The following SLC4A4 variants were observed in gnomAD, a reference collection of about 807,000 sequenced individuals.
The protein encoded by SLC4A4 is solute carrier family 4 member 4, also known as electrogenic sodium bicarbonate cotransporter 1.
In SLC4A4, 27 loss-of-function variants were observed where a neutral mutation model predicts 111.5. The observed-to-expected ratio is 0.24, with a 90% CI of 0.18 to 0.33. SLC4A4 has a LOEUF of 0.33. Among genes scored for constraint, SLC4A4 ranks in the 10% least tolerant of loss-of-function variants. The pLI, the probability that SLC4A4 is intolerant of heterozygous loss-of-function variation, is 1.00. For missense variants in SLC4A4, 909 were observed against 1,315.5 expected (o/e 0.69, Z 4.78); for synonymous variants, 443 against 463.4 (o/e 0.96, Z 0.57).
chr4:71,232,401 C>T (rs768002773), intron 1 of SLC4A4, among the ~76,000 whole-genome samples: 3 of 152,174 alleles, frequency 2.0e-5, no homozygotes, highest in Admixed American at 6.5e-5. Context: ...TTTATTTTCT[C>T]TTTGTTTCTG....
chr4:71,417,832 C>T (rs965732093), intron 7 of SLC4A4, among the ~76,000 whole-genome samples: 1 of 152,098 alleles, frequency 6.6e-6, no homozygotes, highest in African/African-American at 2.4e-5. Context: ...AAAATCTATT[C>T]CTCAGACATG....
chr4:71,314,759 G>A (rs1035075948), intron 3 of SLC4A4, among the ~76,000 whole-genome samples: 4 of 151,962 alleles, frequency 2.6e-5, no homozygotes, highest in African/African-American at 9.7e-5. Flanking sequence ...ACACACTGGG[G>A]CCTTTCGGGG....
At chr4:71,314,217 T>A (rs1726466553) in intron 3 of SLC4A4, among the ~76,000 whole-genome samples, 1 of 152,110 alleles carries the variant, frequency 6.6e-6, no homozygotes, top group South Asian at 2.1e-4. Flanking sequence ...AAAATCACAA[T>A]GAGATACCAT....
intron 18 of SLC4A4, among the ~76,000 whole-genome samples, chr4:71,540,538 T>C (rs1003630512): frequency 6.6e-6 from 1 of 152,146 alleles, no homozygotes; most frequent in Non-Finnish European, 1.5e-5. Flanking sequence ...TTTAACCTTT[T>C]GAGCATTTAT....
At chr4:71,080,485 A>G (rs1440314384) in intron 1 of SLC4A4, among the ~76,000 whole-genome samples, 2 of 152,212 alleles carry the variant, frequency 1.3e-5, no homozygotes, top group East Asian at 1.9e-4. Context: ...CATAGGGCAC[A>G]TGTAAAAGGA....
chr4:71,466,775 A>G (rs1472989570), intron 13 of SLC4A4, among the ~76,000 whole-genome samples, 198 bp downstream of exon 13: 1 of 151,898 alleles, frequency 6.6e-6, no homozygotes, highest in African/African-American at 2.4e-5. Context: ...TGAGGCTCTT[A>G]TGTTGTGTGT....
intron 15 of SLC4A4, among the ~76,000 whole-genome samples, chr4:71,487,408 G>T (rs1279191095): frequency 6.6e-6 from 1 of 151,542 alleles, no homozygotes; most frequent in Non-Finnish European, 1.5e-5. Context: ...CAACCAAATG[G>T]TGCTGTGTTC....
chr4:71,082,874 G>A (rs1013372755), intron 1 of SLC4A4, among the ~76,000 whole-genome samples: 4 of 147,696 alleles, frequency 2.7e-5, no homozygotes, highest in African/African-American at 1.0e-4. Context: ...TTTTGTTGGA[G>A]ACAGAGTCTA....
intron 7 of SLC4A4, among the ~76,000 whole-genome samples, chr4:71,420,155 C>G (rs1441176732): frequency 6.6e-6 from 1 of 152,206 alleles, no homozygotes; most frequent in Non-Finnish European, 1.5e-5. Flanking sequence ...GCTGATGGAG[C>G]TGAAAGCCAA....
At chr4:71,111,534 T>TTTTTTGTTTTTCG (rs1553952076) in intron 2 of SLC4A4, among the ~76,000 whole-genome samples, 1 of 135,310 alleles carries the variant, frequency 7.4e-6, no homozygotes, top group African/African-American at 2.9e-5. Context: ...GTTTTTTTTT[T>TTTTTTGTTTTTCG]TTTTTTTTTT....
chr4:71,090,777 TAGTC>T (rs1742365856), intron 1 of SLC4A4, among the ~76,000 whole-genome samples: 2 of 152,144 alleles, frequency 1.3e-5, no homozygotes, highest in East Asian at 1.9e-4. Flanking sequence ...GTGAAACAAT[TAGTC>T]AGAGTTGTTC....
intron 3 of SLC4A4, among the ~76,000 whole-genome samples, chr4:71,304,563 G>T (rs1336961100): frequency 6.6e-6 from 1 of 152,182 alleles, no homozygotes; most frequent in Non-Finnish European, 1.5e-5. Flanking sequence ...GGCAAACCTA[G>T]AAATAATGTT....
At chr4:71,380,024 A>C (rs1046184717) in intron 6 of SLC4A4, among the ~76,000 whole-genome samples, 2 of 152,074 alleles carry the variant, frequency 1.3e-5, no homozygotes, top group African/African-American at 4.8e-5. Flanking sequence ...GGGAGAGAAA[A>C]GATGAGGTAA....
In SLC4A4 at chr4:71,164,485, G is replaced by A. The variant is rs561984238; in HGVS notation, c.-2+71693G>A. On this transcript the variant is annotated intron_variant, in intron 2 of 26. Coordinates refer to the SLC4A4 transcript ENST00000649996. Reference sequence around the variant, plus strand: ...AATAAAAATTTCTATATAGCAGCTGGAACATTCTAAGGCTTTAAACCCTAA... The same window carrying A: ...AATAAAAATTTCTATATAGCAGCTGAAACATTCTAAGGCTTTAAACCCTAA... 3.9e-5 allele frequency among the ~76,000 whole-genome samples: 6 copies of A among 151,968 alleles called. No individual in the cohort carries two copies. The East Asian group carries it at 1.2e-3, about 29-fold the overall frequency.
In SLC4A4 at chr4:71,522,302, G is replaced by A. The variant is rs536150547; in HGVS notation, c.2167-9760G>A. Among the ~76,000 whole-genome samples, 18 of 152,276 alleles carry A rather than the reference G, an allele frequency of 1.2e-4. No homozygotes were observed. The East Asian group carries it at 3.5e-3, about 29-fold the overall frequency. ...CACAGCATAATCTGTGATTTTCTGTGGCAGGTGGCTCAGGGCATTAACATG... is the reference window on the plus strand; with the variant it reads ...CACAGCATAATCTGTGATTTTCTGTAGCAGGTGGCTCAGGGCATTAACATG... On this transcript the variant is annotated intron_variant, in intron 16 of 25. Transcript: ENST00000264485.
chr4:71,189,952 G>T (rs141503161), intron 1 of SLC4A4, among the ~76,000 whole-genome samples: 18 of 152,324 alleles, frequency 1.2e-4, no homozygotes, highest in African/African-American at 3.6e-4. Flanking sequence ...GAAGGAATCA[G>T]AATGCATGAT....
chr4:71,563,842 A>G lies in SLC4A4; in HGVS notation c.3149A>G (p.Asp1050Gly), dbSNP rs944434214. The G allele has an allele frequency of 7.4e-6, 12 of 1,611,710 alleles. No homozygotes were observed. Among genetic ancestry groups the G allele is most frequent in the East Asian group, 6.7e-5 (3 of 44,742 alleles). The change falls in exon 24 of 26, where the codon GAC (aspartate) becomes GGC (glycine). Residue 1050 changes from aspartate to glycine, a missense_variant. Asp to Gly is a moderately conservative substitution (Grantham distance 94). This residue lies in a region of SLC4A4 where 85 missense variants were observed against 79.8 expected (regional missense o/e 1.07). Coordinates refer to ENST00000264485, the MANE Select transcript of SLC4A4 (RefSeq NM_001098484.3). ...EKVPSIKIPMDIMEQQPFLSD... is the reference protein window; with the variant it reads ...EKVPSIKIPMGIMEQQPFLSD... ...GTTCCAAGTATTAAAATTCCAATGG[A>G]CATCATGGAACAGCAACCTTTCCTA...
At position 71,147,242 on chromosome 4, in the gene SLC4A4, C is replaced by T. The variant is rs190357277; in HGVS notation, c.-2+54450C>T. ...ATTTTGTTGTTTAACAAGAAGCCCTCCCCTTTCTCTCCTTTCAAATTTCTC... is the reference window on the plus strand; with the variant it reads ...ATTTTGTTGTTTAACAAGAAGCCCTTCCCTTTCTCTCCTTTCAAATTTCTC... On this transcript the variant is annotated intron_variant, in intron 2 of 26. Transcript: ENST00000649996. 4.3e-3 allele frequency among the ~76,000 whole-genome samples: 657 copies of T among 152,152 alleles called. 6 individuals carry two copies. The highest frequency in any genetic ancestry group is 7.0e-3 in the Admixed American group (107 of 15,268).
intron 14 of SLC4A4, among the ~76,000 whole-genome samples, chr4:71,476,931 T>C (rs1202271050): frequency 1.3e-5 from 2 of 151,722 alleles, no homozygotes; most frequent in Non-Finnish European, 3.0e-5. Flanking sequence ...GGATGTTAAA[T>C]TTCCCACTGT....
Sources: allele counts gnomAD v4.1 joint callset (sites outside exome capture counted in the v4.1 genomes callset), GRCh38; gene constraint gnomAD v4.1.1; regional missense constraint gnomAD v4.1.1; transcripts MANE v1.5; gene names NCBI Gene and HGNC (gene_info 2026-07-23, HGNC 2026-07-21).